KDM4B: variants seen among roughly 807,000 people sequenced by gnomAD.
The protein encoded by KDM4B is lysine demethylase 4B, also known as lysine-specific demethylase 4B.
A neutral mutation model predicts 125.2 loss-of-function variants in KDM4B; 32 were observed. That is an observed-to-expected ratio of 0.26 (90% CI 0.19 to 0.34). The LOEUF (loss-of-function observed/expected upper bound fraction) is 0.34, where lower values mean the gene tolerates loss of function less well. Among genes scored for constraint, KDM4B ranks in the 10% least tolerant of loss-of-function variants. The probability of loss-of-function intolerance (pLI) is 1.00; values close to 1 mark genes in which losing one functional copy is unlikely to be tolerated. For missense variants in KDM4B, 1,190 were observed against 1,577.7 expected, an observed-to-expected ratio of 0.75 and a Z score of 4.16; for synonymous variants, 721 against 677.9, an observed-to-expected ratio of 1.06 and a Z score of -0.99.
intron 21 of KDM4B, among the ~76,000 whole-genome samples, chr19:5,147,908 C>T (rs926786726): frequency 2.0e-5 from 3 of 152,132 alleles, no homozygotes; most frequent in Non-Finnish European, 4.4e-5. Context: ...TGCAAACGCC[C>T]GCTGTGTGGT....
chr19:4,992,540 C>T (rs914478454), intron 1 of KDM4B, among the ~76,000 whole-genome samples: 1 of 151,996 alleles, frequency 6.6e-6, no homozygotes, highest in African/African-American at 2.4e-5. Flanking sequence ...CTTGACCTCC[C>T]GAGCTCAAGC....
At chr19:5,103,906 A>G (rs2038985742) in intron 9 of KDM4B, among the ~76,000 whole-genome samples, 1 of 152,116 alleles carries the variant, frequency 6.6e-6, no homozygotes, top group Non-Finnish European at 1.5e-5. Flanking sequence ...ACGGGGGTGC[A>G]CGGCCACCTC....
chr19:5,146,320 G>A lies in KDM4B; in HGVS notation c.3021+1418G>A, dbSNP rs1215176942. On this transcript the variant is annotated intron_variant, in intron 21 of 22. Transcript: ENST00000159111. ...TGAGCATCCAGGACCTCCTTGCCAT[G>A]CAGGCTGGCCCCACCCGGTCACCAC... Among the ~76,000 whole-genome samples the A allele has an allele frequency of 2.6e-5, 4 of 152,286 alleles. No individual in the cohort carries two copies. In the East Asian group the frequency reaches 5.8e-4, roughly 22 times the overall value.
chr19:5,105,263 C>G (rs2039013329), intron 9 of KDM4B, among the ~76,000 whole-genome samples: 1 of 152,250 alleles, frequency 6.6e-6, no homozygotes, highest in East Asian at 1.9e-4. Flanking sequence ...GGGGCGCGCG[C>G]AGCTGCCACG....
chr19:5,047,805 A>T (rs1054436526), intron 6 of KDM4B, 136 bp downstream of exon 6: 2 of 830,366 alleles, frequency 2.4e-6, no homozygotes, highest in Non-Finnish European at 3.7e-6. Flanking sequence ...TGACGGCTGG[A>T]GATCTTCCGG....
chr19:5,119,921 C>CCAGT (rs1286047593), intron 11 of KDM4B, 69 bp downstream of exon 11: 1 of 1,499,164 alleles, frequency 6.7e-7, no homozygotes, highest in Non-Finnish European at 8.9e-7. Flanking sequence ...CTAGAAGGAA[C>CCAGT]CAGTGCCTGC....
At chr19:5,110,848 G>A (rs1472454308) in intron 10 of KDM4B, 30 bp downstream of exon 10, 1 of 1,514,680 alleles carries the variant, frequency 6.6e-7, no homozygotes, top group South Asian at 1.2e-5. Flanking sequence ...CCGCGTGACT[G>A]CCCAGCATCA....
intron 1 of KDM4B, among the ~76,000 whole-genome samples, chr19:5,002,822 A>G (rs1459291877): frequency 6.6e-6 from 1 of 151,936 alleles, no homozygotes; most frequent in African/African-American, 2.4e-5. Context: ...ATAGTGGTGT[A>G]TGCCTGTGGT....
chr19:5,089,098 C>T (rs921105195), intron 9 of KDM4B, among the ~76,000 whole-genome samples: 5 of 152,198 alleles, frequency 3.3e-5, no homozygotes, highest in African/African-American at 7.2e-5. Context: ...TGAAAATGCT[C>T]TACCTTTGAT....
chr19:5,097,434 G>A (rs1484827168), intron 9 of KDM4B, among the ~76,000 whole-genome samples: 1 of 152,134 alleles, frequency 6.6e-6, no homozygotes, highest in Non-Finnish European at 1.5e-5. Flanking sequence ...TGTAGTTTTT[G>A]TAGAGTTGGG....
At chr19:5,129,511 A>G (rs1184608989) in intron 11 of KDM4B, among the ~76,000 whole-genome samples, 2 of 152,176 alleles carry the variant, frequency 1.3e-5, no homozygotes, top group Admixed American at 1.3e-4. Flanking sequence ...TAAGTGCCAC[A>G]TGGTCAACAG....
intron 9 of KDM4B, among the ~76,000 whole-genome samples, chr19:5,089,775 C>T (rs940882001): frequency 1.5e-4 from 22 of 151,370 alleles, no homozygotes; most frequent in African/African-American, 2.9e-4. Flanking sequence ...GAGTGGGGTC[C>T]GCCATTCCTA....
chr19:4,982,666 G>A (rs187382325), intron 1 of KDM4B, among the ~76,000 whole-genome samples: 1 of 151,792 alleles, frequency 6.6e-6, no homozygotes, highest in African/African-American at 2.4e-5. Flanking sequence ...AGGCTGGAGT[G>A]CAGTGGCGAG....
intron 2 of KDM4B, among the ~76,000 whole-genome samples, chr19:5,017,611 C>T (rs1288507879): frequency 6.6e-6 from 1 of 152,132 alleles, no homozygotes; most frequent in African/African-American, 2.4e-5. Context: ...CTTGCTTTTA[C>T]CCTTCAAGTT....
chr19:5,038,206 C>A (rs970733392), intron 3 of KDM4B, among the ~76,000 whole-genome samples: 1 of 152,230 alleles, frequency 6.6e-6, no homozygotes, highest in Non-Finnish European at 1.5e-5. Flanking sequence ...AGTGCCCACC[C>A]CAGGACTGGG....
At chr19:5,100,624 G>A (rs2038912167) in intron 9 of KDM4B, among the ~76,000 whole-genome samples, 1 of 152,070 alleles carries the variant, frequency 6.6e-6, no homozygotes, top group Non-Finnish European at 1.5e-5. Flanking sequence ...TCGCCATGTT[G>A]CCCAGGCTAG....
Position 5,047,562 on chromosome 19 carries a change from C to T in KDM4B, c.519C>T (p.Asn173=). Residue 173 remains asparagine, a synonymous_variant, in exon 6 of 23, where the codon AAC becomes AAT. Transcript: ENST00000159111. ...GCGGCACCATCATCGAGGGCGTGAA[C>T]ACGCCCTACCTGTACTTCGGCATGT... The part of the protein sequence containing the change: ...RECGTIIEGV[N]TPYLYFGMWK... 1 of 1,613,958 alleles carries T rather than the reference C, an allele frequency of 6.2e-7. No homozygotes were observed. Among genetic ancestry groups the T allele is most frequent in the Non-Finnish European group, 8.5e-7 (1 of 1,179,918 alleles).
intron 1 of KDM4B, among the ~76,000 whole-genome samples, chr19:5,009,218 T>A (rs2035657511): frequency 6.6e-6 from 1 of 152,068 alleles, no homozygotes; most frequent in East Asian, 1.9e-4. Context: ...CCCGGCCTAT[T>A]CCCTGCTTCC....
At chr19:5,107,106 G>A (rs1294875741) in intron 9 of KDM4B, among the ~76,000 whole-genome samples, 1 of 152,216 alleles carries the variant, frequency 6.6e-6, no homozygotes, top group Non-Finnish European at 1.5e-5. Flanking sequence ...GTTCAGCACT[G>A]AGGGGGCACC....
Sources: allele counts gnomAD v4.1 joint callset (sites outside exome capture counted in the v4.1 genomes callset), GRCh38; gene constraint gnomAD v4.1.1; transcripts MANE v1.5; gene names NCBI Gene and HGNC (gene_info 2026-07-23, HGNC 2026-07-21).